The following ADGRL3 variants were observed in gnomAD, a reference collection of about 807,000 sequenced individuals.
ADGRL3 encodes calcium-independent alpha-latrotoxin receptor 3.
ADGRL3 carries 62 observed loss-of-function variants against 153.5 expected under a neutral mutation model. The ratio of observed to expected loss-of-function variants is 0.40; its 90% CI spans 0.33 to 0.50. The LOEUF is 0.50. ADGRL3 is among the 20% of genes least tolerant of loss of function. The pLI, the probability that ADGRL3 is intolerant of heterozygous loss-of-function variation, is 0.47. For missense variants in ADGRL3, 1,641 were observed against 1,859.4 expected, an observed-to-expected ratio of 0.88 and a Z score of 2.16; for synonymous variants, 710 against 672.5, an observed-to-expected ratio of 1.06 and a Z score of -0.86.
At chr4:61,586,318 T>A (rs1408431579) in intron 4 of ADGRL3, among the ~76,000 whole-genome samples, 1 of 152,018 alleles carries the variant, frequency 6.6e-6, no homozygotes, top group African/African-American at 2.4e-5. Context: ...TTCCTTGCAG[T>A]ATTATGACAC....
chr4:61,900,329 A>G (rs1021435436), intron 11 of ADGRL3, among the ~76,000 whole-genome samples: 1 of 152,174 alleles, frequency 6.6e-6, no homozygotes, highest in Non-Finnish European at 1.5e-5. Context: ...AATCAGGCCA[A>G]GTGGAAGAAA....
intron 1 of ADGRL3, among the ~76,000 whole-genome samples, chr4:61,376,431 A>C (rs146324751): frequency 1.3e-5 from 2 of 151,978 alleles, no homozygotes; most frequent in African/African-American, 2.4e-5. Context: ...GCTATTTCTT[A>C]ATCAGAGAAA....
chr4:61,259,984 C>T (rs755513628), intron 1 of ADGRL3, among the ~76,000 whole-genome samples: 35 of 152,124 alleles, frequency 2.3e-4, no homozygotes, highest in Non-Finnish European at 3.4e-4. Context: ...CCCCCCAAAA[C>T]ATTAAAATGG....
intron 3 of ADGRL3, among the ~76,000 whole-genome samples, chr4:61,511,300 C>T (rs185805038): frequency 2.6e-5 from 4 of 152,220 alleles, no homozygotes; most frequent in Non-Finnish European, 4.4e-5. Context: ...ACCCAGGAAG[C>T]GGAGGTTACA....
intron 1 of ADGRL3, among the ~76,000 whole-genome samples, chr4:61,344,469 G>A (rs556843318): frequency 3.3e-5 from 5 of 152,206 alleles, no homozygotes; most frequent in East Asian, 1.9e-4. Context: ...CTTGAATAAC[G>A]TCCCCTAAAA....
At chr4:61,235,916 C>T (rs1184672643) in intron 1 of ADGRL3, among the ~76,000 whole-genome samples, 1 of 151,810 alleles carries the variant, frequency 6.6e-6, no homozygotes, top group Non-Finnish European at 1.5e-5. Flanking sequence ...TTATGTATAT[C>T]AGCTTCTGTG....
intron 6 of ADGRL3, among the ~76,000 whole-genome samples, chr4:61,702,318 T>C (rs922178074): frequency 1.3e-5 from 2 of 152,180 alleles, no homozygotes; most frequent in African/African-American, 4.8e-5. Context: ...CTATGCATTG[T>C]CTCTTTTGAC....
intron 8 of ADGRL3, among the ~76,000 whole-genome samples, chr4:61,776,900 CTAAG>C (rs1363651458): frequency 5.6e-4 from 86 of 152,234 alleles, no homozygotes; most frequent in African/African-American, 1.9e-3. Context: ...AGATCACTTA[CTAAG>C]TGTGTCAACA....
rs199902087 is a variant in ADGRL3, at chr4:61,870,020, AAAG to A, written c.1481-22630_1481-22628del. Among the ~76,000 whole-genome samples the A allele has an allele frequency of 1.4e-4, 20 of 148,062 alleles. No individual in the cohort carries two copies. In the East Asian group the frequency reaches 3.6e-3, roughly 27 times the overall value. ...AGAGAGAGAGAGAGAGAAAGGAAAG[AAAG>A]AAGAAAGAAAGAAAGAGAAAGAAAA... On this transcript the variant is annotated intron_variant, in intron 9 of 26. Coordinates refer to ENST00000683033, the MANE Select transcript of ADGRL3 (RefSeq NM_001387552.1).
intron 8 of ADGRL3, among the ~76,000 whole-genome samples, chr4:61,788,936 TTAAA>T (rs1215505376): frequency 1.4e-4 from 22 of 152,166 alleles, no homozygotes; most frequent in African/African-American, 4.3e-4. Flanking sequence ...TTATGGAATC[TTAAA>T]TAAAGATTTA....
intron 17 of ADGRL3, among the ~76,000 whole-genome samples, chr4:61,951,132 A>G (rs188792372): frequency 6.6e-6 from 1 of 152,268 alleles, no homozygotes; most frequent in Admixed American, 6.5e-5. Context: ...AGATGGGCTT[A>G]ACATCTGCAG....
At chr4:61,631,484 T>C (rs2093163766) in intron 5 of ADGRL3, among the ~76,000 whole-genome samples, 1 of 152,212 alleles carries the variant, frequency 6.6e-6, no homozygotes, top group African/African-American at 2.4e-5. Flanking sequence ...TGTTAGTATC[T>C]CATAAGACTG....
intron 5 of ADGRL3, among the ~76,000 whole-genome samples, chr4:61,607,300 T>C (rs892469880): frequency 6.6e-6 from 1 of 151,786 alleles, no homozygotes; most frequent in African/African-American, 2.4e-5. Context: ...CTGAAAAAAG[T>C]CTCAAAAGAC....
At chr4:61,429,502 A>G (rs764344254) in intron 2 of ADGRL3, among the ~76,000 whole-genome samples, 2 of 152,190 alleles carry the variant, frequency 1.3e-5, no homozygotes, top group Non-Finnish European at 2.9e-5. Flanking sequence ...TGATAATTGT[A>G]CAGTTGATGT....
Position 61,280,107 on chromosome 4 carries a change from C to CTTTTTTTTTTTTTTTTTTTT in ADGRL3, c.-240+78347_-240+78348insTTTTTTTTTTTTTTTTTTTT, listed in dbSNP as rs771732117. Reference sequence around the variant, plus strand: ...AAAGTATTTTCTTTTCTTTTCTTTTCTTTTTCTTTTTTTTTTTTTTGAGAC... The same window carrying CTTTTTTTTTTTTTTTTTTTT: ...AAAGTATTTTCTTTTCTTTTCTTTTCTTTTTTTTTTTTTTTTTTTTTTTTTCTTTTTTTTTTTTTTGAGAC... On this transcript the variant is annotated intron_variant, in intron 1 of 26. Coordinates refer to ENST00000683033, the MANE Select transcript of ADGRL3 (RefSeq NM_001387552.1). Among the ~76,000 whole-genome samples, 2 of 94,668 alleles carry CTTTTTTTTTTTTTTTTTTTT rather than the reference C, an allele frequency of 2.1e-5. 1 individual carries two copies. Among genetic ancestry groups the CTTTTTTTTTTTTTTTTTTTT allele is most frequent in the Non-Finnish European group, 4.1e-5 (2 of 49,294 alleles). The allele number at this position is 94,668 out of a possible 152,430, so 62.1% of individuals were successfully genotyped here.
chr4:61,420,460 G>T (rs1163557895), intron 2 of ADGRL3: 1 of 130,762 alleles, frequency 7.6e-6, no homozygotes, highest in Admixed American at 9.0e-5. Flanking sequence ...AGGCTGAAGT[G>T]CAGTGGCGCC....
At chr4:61,575,530 T>C (rs1322191039) in intron 4 of ADGRL3, among the ~76,000 whole-genome samples, 1 of 151,968 alleles carries the variant, frequency 6.6e-6, no homozygotes, top group Non-Finnish European at 1.5e-5. Context: ...GTTATGTATT[T>C]ATTGATTTTT....
At chr4:61,251,746 T>C (rs1319598192) in intron 1 of ADGRL3, among the ~76,000 whole-genome samples, 1 of 151,684 alleles carries the variant, frequency 6.6e-6, no homozygotes, top group African/African-American at 2.4e-5. Context: ...TTCATCTTCT[T>C]AATCTTGGAT....
At chr4:61,990,952 C>CTG (rs34294452) in intron 19 of ADGRL3, among the ~76,000 whole-genome samples, 49,823 of 141,858 alleles carry the variant, frequency 0.35, 9,796 homozygotes, top group Non-Finnish European at 0.45. Context: ...ATGTTTGAAA[C>CTG]TGTGTGTGTG....
Sources: gnomAD v4.1 joint callset for allele counts (sites outside exome capture counted in the v4.1 genomes callset) on GRCh38, gnomAD v4.1.1 for gene constraint, MANE v1.5 for transcripts, NCBI Gene and HGNC (gene_info 2026-07-23, HGNC 2026-07-21) for gene names.